The following GPC6 variants were observed in gnomAD, a reference collection of about 807,000 sequenced individuals.
GPC6 encodes the protein glypican-6.
In GPC6, 14 loss-of-function variants were observed where a neutral mutation model predicts 55.2. The ratio of observed to expected loss-of-function variants is 0.25; its 90% CI spans 0.17 to 0.40. The LOEUF is 0.40. Ranked by LOEUF, GPC6 falls within the 10% of genes least tolerant of loss-of-function variation. The pLI is 1.00. For missense variants in GPC6, 641 were observed against 708.5 expected, an observed-to-expected ratio of 0.90 and a Z score of 1.08; for synonymous variants, 278 against 259.6, an observed-to-expected ratio of 1.07 and a Z score of -0.68.
At chr13:93,235,915 G>C (rs1263141311) in intron 1 of GPC6, among the ~76,000 whole-genome samples, 2 of 152,136 alleles carry the variant, frequency 1.3e-5, no homozygotes, top group East Asian at 3.9e-4. Context: ...TCTGTCTTTT[G>C]GCTCTCAGAT....
At chr13:94,284,865 TAAA>T (rs10545616) in intron 4 of GPC6, among the ~76,000 whole-genome samples, 15 of 141,462 alleles carry the variant, frequency 1.1e-4, no homozygotes, top group Admixed American at 5.0e-4. Context: ...TTGTGGATAA[TAAA>T]AAAAAAAAAA....
intron 7 of GPC6, among the ~76,000 whole-genome samples, chr13:94,394,087 C>T (rs922962782): frequency 3.9e-5 from 6 of 152,276 alleles, no homozygotes; most frequent in African/African-American, 1.4e-4. Context: ...ACTCTTCTAC[C>T]CTAATCGGTT....
intron 3 of GPC6, among the ~76,000 whole-genome samples, chr13:93,886,969 A>G (rs1055941677): frequency 6.6e-6 from 1 of 152,022 alleles, no homozygotes; most frequent in Non-Finnish European, 1.5e-5. Context: ...TACACATGGT[A>G]CATGCATTAT....
At chr13:94,105,961 G>C (rs1008939206) in intron 4 of GPC6, among the ~76,000 whole-genome samples, 1 of 144,846 alleles carries the variant, frequency 6.9e-6, no homozygotes, top group Non-Finnish European at 1.5e-5. Flanking sequence ...CATTGGAAAG[G>C]GTAGCTCCCA....
At chr13:93,694,809 T>C (rs1882391746) in intron 2 of GPC6, among the ~76,000 whole-genome samples, 1 of 152,120 alleles carries the variant, frequency 6.6e-6, no homozygotes, top group South Asian at 2.1e-4. Context: ...TAACTAACAC[T>C]TGATATTCCC....
chr13:94,284,173 C>A (rs1466326873), intron 4 of GPC6, among the ~76,000 whole-genome samples: 2 of 152,136 alleles, frequency 1.3e-5, no homozygotes, highest in Non-Finnish European at 2.9e-5. Flanking sequence ...GCCATGCAGA[C>A]CCTCTGTCCG....
intron 1 of GPC6, among the ~76,000 whole-genome samples, chr13:93,523,397 A>G (rs1881517109): frequency 6.6e-6 from 1 of 151,356 alleles, no homozygotes; most frequent in African/African-American, 2.4e-5. Context: ...GTATATATAT[A>G]TCCTCTTTTA....
chr13:93,905,582 G>A (rs1338387006), intron 3 of GPC6, among the ~76,000 whole-genome samples: 2 of 152,196 alleles, frequency 1.3e-5, no homozygotes, highest in African/African-American at 4.8e-5. Flanking sequence ...TCTGCATAAA[G>A]TATTTGGCTG....
intron 4 of GPC6, among the ~76,000 whole-genome samples, chr13:94,206,380 T>C (rs1889902171): frequency 6.6e-6 from 1 of 152,202 alleles, no homozygotes; most frequent in Non-Finnish European, 1.5e-5. Context: ...CAGACCACAT[T>C]ATTTAATAAC....
At chr13:94,346,471 C>T (rs1943574477) in intron 6 of GPC6, among the ~76,000 whole-genome samples, 1 of 152,064 alleles carries the variant, frequency 6.6e-6, no homozygotes, top group Admixed American at 6.6e-5. Context: ...GCCTCTAATC[C>T]CACCACATTG....
chr13:93,879,268 C>T (rs1365719875), intron 3 of GPC6, among the ~76,000 whole-genome samples: 1 of 152,036 alleles, frequency 6.6e-6, no homozygotes, highest in Non-Finnish European at 1.5e-5. Context: ...ACTTCTTTGC[C>T]TTTGGTTTGA....
At chr13:93,848,250 G>A (rs765384060) in intron 3 of GPC6, among the ~76,000 whole-genome samples, 9 of 151,984 alleles carry the variant, frequency 5.9e-5, no homozygotes, top group African/African-American at 9.7e-5. Context: ...CAGCATCTAC[G>A]GTTTGTGCTT....
At chr13:93,299,169 T>A (rs17234334) in intron 1 of GPC6, among the ~76,000 whole-genome samples, 2 of 152,238 alleles carry the variant, frequency 1.3e-5, no homozygotes, top group South Asian at 2.1e-4. Context: ...CATAAATACC[T>A]TTAAGTGACT....
At chr13:93,471,294 C>CATG (rs899774456) in intron 1 of GPC6, among the ~76,000 whole-genome samples, 1 of 148,672 alleles carries the variant, frequency 6.7e-6, no homozygotes, top group African/African-American at 2.5e-5. Flanking sequence ...GCAGGCAGAT[C>CATG]ATGAGGTCAG....
At chr13:93,917,147 T>C (rs1661942550) in intron 3 of GPC6, among the ~76,000 whole-genome samples, 1 of 152,232 alleles carries the variant, frequency 6.6e-6, no homozygotes, top group Non-Finnish European at 1.5e-5. Flanking sequence ...AATAAGGCTT[T>C]GTACTGAGTC....
At chr13:93,809,602 A>G (rs1886637377) in intron 2 of GPC6, among the ~76,000 whole-genome samples, 1 of 152,180 alleles carries the variant, frequency 6.6e-6, no homozygotes, top group South Asian at 2.1e-4. Context: ...ACATTTGCAC[A>G]TATGTGCCCA....
intron 4 of GPC6, among the ~76,000 whole-genome samples, chr13:94,182,433 G>A (rs1227336140): frequency 6.6e-6 from 1 of 152,106 alleles, no homozygotes; most frequent in African/African-American, 2.4e-5. Context: ...GCTAGGTATG[G>A]AGCTGAACTT....
At chr13:93,774,057 G>A (rs977469750) in intron 2 of GPC6, among the ~76,000 whole-genome samples, 3 of 152,146 alleles carry the variant, frequency 2.0e-5, no homozygotes, top group African/African-American at 7.2e-5. Flanking sequence ...AGATCCGTGG[G>A]CATAGCTGCC....
At chr13:93,746,404 A>G (rs1354708966) in intron 2 of GPC6, among the ~76,000 whole-genome samples, 1 of 152,198 alleles carries the variant, frequency 6.6e-6, no homozygotes, top group Non-Finnish European at 1.5e-5. Context: ...CCAAGATTCA[A>G]GGCATTCCCA....
Sources: gnomAD v4.1 joint callset for allele counts (sites outside exome capture counted in the v4.1 genomes callset) on GRCh38, gnomAD v4.1.1 for gene constraint, MANE v1.5 for transcripts, NCBI Gene and HGNC (gene_info 2026-07-23, HGNC 2026-07-21) for gene names.